MUCL1: variants seen among roughly 807,000 people sequenced by gnomAD.
The protein encoded by MUCL1 is mucin-like protein 1.
A neutral mutation model predicts 9.2 loss-of-function variants in MUCL1; 11 were observed. The ratio of observed to expected loss-of-function variants is 1.19; its 90% CI spans 0.75 to 1.97. MUCL1 has a LOEUF of 1.97. Ranked by LOEUF, MUCL1 falls within the 30% of genes most tolerant of loss-of-function variation. The probability of loss-of-function intolerance (pLI) is 0.00; values close to 1 mark genes in which losing one functional copy is unlikely to be tolerated. For missense variants in MUCL1, 144 were observed against 110.9 expected, an observed-to-expected ratio of 1.30 and a Z score of -1.34; for synonymous variants, 48 against 40.5, an observed-to-expected ratio of 1.19 and a Z score of -0.71.
upstream of MUCL1, among the ~76,000 whole-genome samples, chr12:54,853,258 C>A (rs776973286): frequency 8.5e-5 from 13 of 152,180 alleles, no homozygotes; most frequent in African/African-American, 1.2e-4. Context: ...CCCTATGATT[C>A]TGGGTATTCC....
At chr12:54,837,404 A>G (rs10876624), upstream of MUCL1, among the ~76,000 whole-genome samples, 79,404 of 151,564 alleles carry the variant, frequency 0.52, 21,236 homozygotes, top group East Asian at 0.86. Context: ...AAGAATAGCT[A>G]CTCCTGCTTG....
rs1868289173 is a variant in MUCL1, at chr12:54,855,113, C to T, written c.59-3C>T. ...ATCTTAATTTTTCCTTCTTCTCTTT[C>T]AGAGAATCCGACAACAGCTGCTCCA... On this transcript the variant is annotated splice_region_variant and splice_polypyrimidine_tract_variant and intron_variant, in intron 1 of 3. Transcript: ENST00000308796. 2 of 1,612,712 alleles carry T rather than the reference C, an allele frequency of 1.2e-6. No homozygotes were observed. Among genetic ancestry groups the T allele is most frequent in the Admixed American group, 3.3e-5 (2 of 59,848 alleles).
At chr12:54,850,372 A>G (rs1959320513), upstream of MUCL1, among the ~76,000 whole-genome samples, 1 of 134,006 alleles carries the variant, frequency 7.5e-6, no homozygotes, top group African/African-American at 3.0e-5. Flanking sequence ...ACGTGTTCTC[A>G]TTGTTCAGTT....
chr12:54,853,471 G>A (rs1486257758), upstream of MUCL1, among the ~76,000 whole-genome samples: 1 of 152,162 alleles, frequency 6.6e-6, no homozygotes, highest in Non-Finnish European at 1.5e-5. Context: ...TATTCTACAT[G>A]CACTCACCAT....
At chr12:54,854,396 T>C, upstream of MUCL1, 3 of 561,788 alleles carry the variant, frequency 5.3e-6, no homozygotes, top group Non-Finnish European at 9.4e-6. Flanking sequence ...GGCTGTGTTG[T>C]TGATTCTCCA....
chr12:54,849,273 T>C (rs969008482), intron 1 of MUCL1, among the ~76,000 whole-genome samples: 1 of 152,140 alleles, frequency 6.6e-6, no homozygotes, highest in Non-Finnish European at 1.5e-5. Context: ...TTTTTGGTAT[T>C]GATGATAGCA....
At chr12:54,851,965 C>T (rs1461612048), upstream of MUCL1, among the ~76,000 whole-genome samples, 1 of 152,170 alleles carries the variant, frequency 6.6e-6, no homozygotes, top group Admixed American at 6.5e-5. Flanking sequence ...TGAAGGACCT[C>T]TCCAAAGAGA....
Position 54,858,282 on chromosome 12 carries a change from A to G in MUCL1, c.*40A>G, listed in dbSNP as rs538619675. 5.3e-5 allele frequency: 85 copies of G among 1,611,288 alleles called. No homozygotes were observed. The highest frequency in any genetic ancestry group is 4.4e-5 in the Non-Finnish European group (52 of 1,177,762). On this transcript the variant is annotated 3_prime_UTR_variant, in exon 4 of 4. Coordinates refer to ENST00000308796, the MANE Select transcript of MUCL1 (RefSeq NM_058173.3). Reference sequence around the variant, plus strand: ...GAGTCTTCTGCAATTGGTCACAACTATTCATGCTTCCTGTGATTTCATCCA... The same window carrying G: ...GAGTCTTCTGCAATTGGTCACAACTGTTCATGCTTCCTGTGATTTCATCCA...
intron 1 of MUCL1, among the ~76,000 whole-genome samples, chr12:54,842,130 A>G (rs538176850): frequency 1.3e-5 from 2 of 152,198 alleles, no homozygotes; most frequent in African/African-American, 4.8e-5. Flanking sequence ...CATCTTTATA[A>G]TATTGAGTTT....
intron 3 of MUCL1, among the ~76,000 whole-genome samples, chr12:54,857,233 TG>T (rs1418466162): frequency 1.8e-5 from 2 of 109,796 alleles, no homozygotes; most frequent in Admixed American, 8.9e-5. Context: ...AATCAGGTAG[TG>T]TGTGTGTGTG....
chr12:54,841,190 T>C (rs1316343967), intron 1 of MUCL1, among the ~76,000 whole-genome samples: 1 of 152,236 alleles, frequency 6.6e-6, no homozygotes, highest in Non-Finnish European at 1.5e-5. Flanking sequence ...GCCTAAATAA[T>C]ACATACATGT....
At chr12:54,834,007 C>T (rs1272203636) in intron 1 of MUCL1, among the ~76,000 whole-genome samples, 2 of 151,996 alleles carry the variant, frequency 1.3e-5, no homozygotes, top group Admixed American at 6.6e-5. Flanking sequence ...TTGTTAATTA[C>T]ATGCATTATA....
At chr12:54,850,232 C>T (rs1959316515), upstream of MUCL1, among the ~76,000 whole-genome samples, 1 of 152,104 alleles carries the variant, frequency 6.6e-6, no homozygotes. Context: ...CATATGTATA[C>T]ATGTGCCATG....
chr12:54,857,995 G>A (rs141580662), intron 3 of MUCL1, among the ~76,000 whole-genome samples, 198 bp from the exon 4 acceptor site: 114 of 152,200 alleles, frequency 7.5e-4, no homozygotes, highest in Non-Finnish European at 1.3e-3. Flanking sequence ...CTGGGCTTCC[G>A]TCTAAGGCTA....
intron 1 of MUCL1, among the ~76,000 whole-genome samples, chr12:54,839,675 A>C (rs945019782): frequency 6.6e-6 from 1 of 152,154 alleles, no homozygotes; most frequent in African/African-American, 2.4e-5. Context: ...AGGAATGCTG[A>C]TGTTCCATGT....
upstream of MUCL1, among the ~76,000 whole-genome samples, chr12:54,851,828 C>A: frequency 6.6e-6 from 1 of 152,156 alleles, no homozygotes; most frequent in Non-Finnish European, 1.5e-5. Flanking sequence ...ATACAAAAAT[C>A]AATGTGCAAA....
chr12:54,853,097 CA>C (rs1237876103), upstream of MUCL1, among the ~76,000 whole-genome samples: 1 of 152,116 alleles, frequency 6.6e-6, no homozygotes, highest in Non-Finnish European at 1.5e-5. Flanking sequence ...TTGCTGTTAT[CA>C]GACAGACTCT....
chr12:54,842,629 CCTGT>C (rs199773187), intron 1 of MUCL1, among the ~76,000 whole-genome samples: 1,638 of 152,240 alleles, frequency 0.011, 22 homozygotes, highest in Middle Eastern at 0.014. Flanking sequence ...ACTTATTCTT[CCTGT>C]CTAACTGAAA....
At chr12:54,850,507 A>G (rs372821608), upstream of MUCL1, among the ~76,000 whole-genome samples, 3 of 151,934 alleles carry the variant, frequency 2.0e-5, no homozygotes, top group African/African-American at 4.8e-5. Context: ...TTTTATGGCT[A>G]CATAGTATTC....
Sources: allele counts gnomAD v4.1 joint callset (sites outside exome capture counted in the v4.1 genomes callset), GRCh38; gene constraint gnomAD v4.1.1; transcripts MANE v1.5; gene names NCBI Gene and HGNC (gene_info 2026-07-23, HGNC 2026-07-21).